Variants in VSNL1 observed in about 807,000 individuals in gnomAD.
VSNL1 encodes visinin like 1.
VSNL1 carries 6 observed loss-of-function variants against 20.4 expected under a neutral mutation model. That is an observed-to-expected ratio of 0.29 (90% CI 0.16 to 0.58). VSNL1 has a LOEUF of 0.58. Among genes scored for constraint, VSNL1 ranks in the 20% least tolerant of loss-of-function variants. VSNL1 has a pLI of 0.90. For synonymous variants in VSNL1, 93 were observed against 86.4 expected (o/e 1.08, Z -0.42); for missense variants, 100 against 234.5 (o/e 0.43, Z 3.75).
rs3064980 is a variant in VSNL1, at chr2:17,655,455, TCACACACACACACACA to T, written c.*92_*107del. The T allele has an allele frequency of 6.0e-4, 323 of 537,518 alleles. 1 individual carries two copies. Among genetic ancestry groups the T allele is most frequent in the Middle Eastern group, 4.8e-3 (10 of 2,070 alleles). The allele number at this position is 537,518 out of a possible 1,614,324, so 33.3% of individuals were successfully genotyped here. On this transcript the variant is annotated 3_prime_UTR_variant, in exon 4 of 4. Coordinates refer to ENST00000295156, the MANE Select transcript of VSNL1 (RefSeq NM_003385.5). This position sits in a 1 kb window ranked among gnomAD's most constrained non-coding sequence, Gnocchi z 5.2. ...AATGTTCCATTCAGTCTGCAGCTAT[TCACACACACACACACA>T]CACACACACACACACACACACACAC...
chr2:17,636,023 G>A (rs1274263808), intron 2 of VSNL1, among the ~76,000 whole-genome samples: 1 of 151,486 alleles, frequency 6.6e-6, no homozygotes, highest in Non-Finnish European at 1.5e-5. Context: ...AATTTATCTG[G>A]CATGGGGTGG....
At position 17,548,019 on chromosome 2, in the gene VSNL1, T is replaced by G. The variant is rs182770733; in HGVS notation, c.-6+7101T>G. ...CCAAAACAGGATTTCTATCTGATAC[T>G]CTCCCCACACCTCCTCTATTTTTCC... On this transcript the variant is annotated intron_variant, in intron 1 of 3. Transcript: ENST00000295156. Among the ~76,000 whole-genome samples, 466 of 152,238 alleles carry G rather than the reference T, an allele frequency of 3.1e-3. 6 individuals are homozygous for G. Among genetic ancestry groups the G allele is most frequent in the African/African-American group, 0.011 (446 of 41,550 alleles).
In VSNL1 at chr2:17,571,386, T is replaced by A. The variant is rs1357769411; in HGVS notation, c.-5-20684T>A. Among the ~76,000 whole-genome samples, 10 of 152,312 alleles carry A rather than the reference T, an allele frequency of 6.6e-5. No individual in the cohort carries two copies. The East Asian group carries it at 1.7e-3, about 26-fold the overall frequency. On this transcript the variant is annotated intron_variant, in intron 1 of 3. Coordinates refer to ENST00000295156, the MANE Select transcript of VSNL1 (RefSeq NM_003385.5). ...GCTAATAATTAAGAACCCTACCTAG[T>A]GATGCATAACCCTACTGAGCTCATG...
At chr2:17,582,731 A>C (rs1572346332) in intron 1 of VSNL1, among the ~76,000 whole-genome samples, 1 of 152,126 alleles carries the variant, frequency 6.6e-6, no homozygotes, top group East Asian at 2.0e-4. Context: ...TCATGTTTGC[A>C]TAGTATGTTG....
intron 2 of VSNL1, among the ~76,000 whole-genome samples, chr2:17,603,899 G>GCCC (rs1664887107): frequency 6.6e-6 from 1 of 152,188 alleles, no homozygotes; most frequent in African/African-American, 2.4e-5. Context: ...GCCTTCAGGA[G>GCCC]AATGACTTAG....
At chr2:17,591,966 G>C (rs1421335206) in intron 1 of VSNL1, 104 bp from the exon 2 acceptor site, 2 of 1,283,514 alleles carry the variant, frequency 1.6e-6, no homozygotes, top group Non-Finnish European at 2.2e-6. Context: ...CCACACTGGA[G>C]GGAGTTCCGA....
chr2:17,655,083 G>T lies in VSNL1; in HGVS notation c.379-114G>T. ...AGGAGTGAAACTCCTCTGGGGAAAG[G>T]GAAGCTGAGGCTTGGAGGATGGGTG... On this transcript the variant is annotated intron_variant, in intron 3 of 3. Transcript: ENST00000295156. This position sits in a 1 kb window ranked among gnomAD's most constrained non-coding sequence, Gnocchi z 5.2. 9.4e-7 allele frequency: 1 copy of T among 1,058,862 alleles called. No individual in the cohort carries two copies. Among genetic ancestry groups the T allele is most frequent in the Non-Finnish European group, 1.4e-6 (1 of 723,624 alleles). The allele number at this position is 1,058,862 out of a possible 1,614,324, so 65.6% of individuals were successfully genotyped here. A position where few individuals can be genotyped will look rare whatever the true frequency, so the allele number is the denominator to read the frequency against.
chr2:17,640,395 A>T (rs923430445), intron 2 of VSNL1, among the ~76,000 whole-genome samples: 2 of 152,002 alleles, frequency 1.3e-5, no homozygotes, highest in Non-Finnish European at 2.9e-5. Context: ...CAAAGCTCAC[A>T]CTCTCCACCA....
intron 1 of VSNL1, among the ~76,000 whole-genome samples, chr2:17,547,407 C>T (rs961673502): frequency 3.9e-5 from 6 of 152,036 alleles, no homozygotes; most frequent in African/African-American, 7.2e-5. Flanking sequence ...AAGCAATCTC[C>T]GTTCATTGCA....
chr2:17,587,367 A>G (rs1295718304), intron 1 of VSNL1, among the ~76,000 whole-genome samples: 4 of 150,766 alleles, frequency 2.7e-5, no homozygotes, highest in African/African-American at 9.9e-5. Flanking sequence ...ACACACACAC[A>G]CACACACACA....
chr2:17,634,904 C>T lies in VSNL1; in HGVS notation c.163-14506C>T, dbSNP rs1665718008. Among the ~76,000 whole-genome samples, 1 of 152,146 alleles carries T rather than the reference C, an allele frequency of 6.6e-6. No homozygotes were observed. The highest frequency in any genetic ancestry group is 1.9e-4 in the East Asian group (1 of 5,184). On this transcript the variant is annotated intron_variant, in intron 2 of 3. Transcript: ENST00000295156. The surrounding 1 kb of genome is among the most constrained non-coding windows in gnomAD (Gnocchi z 4.3). The stretch of plus-strand genomic sequence containing the variant: ...ACTGCTCCTGCTTGGTTCTGACTCA[C>T]GGTCAGGCTCTAACTGGCAGCTCGA...
chr2:17,561,681 A>G (rs569134871), intron 1 of VSNL1, among the ~76,000 whole-genome samples: 130 of 152,324 alleles, frequency 8.5e-4, no homozygotes, highest in African/African-American at 3.1e-3. Context: ...CAGATGACAG[A>G]TGATGTTCCT....
intron 2 of VSNL1, among the ~76,000 whole-genome samples, chr2:17,599,321 T>C (rs1664778154): frequency 6.6e-6 from 1 of 152,188 alleles, no homozygotes; most frequent in Admixed American, 6.5e-5. Flanking sequence ...TGAGGACCCA[T>C]CAGTCTGTCT....
chr2:17,633,195 C>T (rs577362957), intron 2 of VSNL1, among the ~76,000 whole-genome samples: 2 of 152,116 alleles, frequency 1.3e-5, no homozygotes, highest in South Asian at 2.1e-4. Context: ...CATCAGATCT[C>T]GTGAGGCTTA....
At chr2:17,567,908 C>T (rs1663990582) in intron 1 of VSNL1, among the ~76,000 whole-genome samples, 1 of 152,070 alleles carries the variant, frequency 6.6e-6, no homozygotes, top group African/African-American at 2.4e-5. Flanking sequence ...ATAACCCCTG[C>T]TTGATAGTGA....
chr2:17,577,270 A>C (rs1050040482), intron 1 of VSNL1, among the ~76,000 whole-genome samples: 1 of 152,158 alleles, frequency 6.6e-6, no homozygotes, highest in Non-Finnish European at 1.5e-5. Context: ...CTATATTTTC[A>C]GTTTCTGATA....
At chr2:17,630,601 TAAA>T (rs777201137) in intron 2 of VSNL1, among the ~76,000 whole-genome samples, 26 of 152,282 alleles carry the variant, frequency 1.7e-4, no homozygotes, top group Middle Eastern at 6.8e-3. Context: ...TTTTCAATAA[TAAA>T]AGAAGAAGAG....
intron 2 of VSNL1, among the ~76,000 whole-genome samples, chr2:17,633,052 G>T (rs1156467484): frequency 2.6e-5 from 4 of 152,196 alleles, no homozygotes; most frequent in African/African-American, 9.7e-5. Flanking sequence ...AATGAAAGAG[G>T]TTTAATTGAC....
intron 1 of VSNL1, among the ~76,000 whole-genome samples, chr2:17,577,231 A>G (rs1229587123): frequency 6.6e-6 from 1 of 152,258 alleles, no homozygotes; most frequent in Non-Finnish European, 1.5e-5. Context: ...ATGACATTAT[A>G]TACACATACA....
Sources: gnomAD v4.1 joint callset for allele counts (sites outside exome capture counted in the v4.1 genomes callset) on GRCh38, gnomAD v4.1.1 for gene constraint, Gnocchi (gnomAD v3.1) non-coding constraint, MANE v1.5 for transcripts, NCBI Gene and HGNC (gene_info 2026-07-23, HGNC 2026-07-21) for gene names.